Variants in BACH2 observed in about 807,000 individuals in gnomAD.
The protein encoded by BACH2 is transcription regulator protein BACH2.
In BACH2, 5 loss-of-function variants were observed where a neutral mutation model predicts 61.8. The ratio of observed to expected loss-of-function variants is 0.08; its 90% CI spans 0.04 to 0.17. The LOEUF is 0.17. Among genes scored for constraint, BACH2 ranks in the 10% least tolerant of loss-of-function variants. The pLI, the probability that BACH2 is intolerant of heterozygous loss-of-function variation, is 1.00. For missense variants in BACH2, 824 were observed against 1,091.1 expected (o/e 0.76, Z 3.45); for synonymous variants, 446 against 440.1 (o/e 1.01, Z -0.17).
chr6:89,996,453 G>A (rs184123714), intron 6 of BACH2, among the ~76,000 whole-genome samples: 2 of 152,308 alleles, frequency 1.3e-5, no homozygotes, highest in Admixed American at 6.5e-5. Context: ...ACCTGGTCAA[G>A]TCTAAATTCT....
At chr6:90,109,747 C>G (rs979994759) in intron 4 of BACH2, among the ~76,000 whole-genome samples, 2 of 152,164 alleles carry the variant, frequency 1.3e-5, no homozygotes, top group African/African-American at 2.4e-5. Flanking sequence ...AATATATAGA[C>G]TTCCATCTGC....
chr6:89,948,748 C>G (rs1272052167), intron 7 of BACH2, among the ~76,000 whole-genome samples: 1 of 152,172 alleles, frequency 6.6e-6, no homozygotes, highest in African/African-American at 2.4e-5. Context: ...CGGGAAAGCT[C>G]AATCTTCCCA....
intron 1 of BACH2, among the ~76,000 whole-genome samples, chr6:90,288,754 A>T (rs1320109669): frequency 6.6e-6 from 1 of 152,220 alleles, no homozygotes; most frequent in African/African-American, 2.4e-5. Flanking sequence ...ATTTCTAATT[A>T]GGATTTCTGA....
Position 89,950,032 on chromosome 6 carries a change from C to T in BACH2, c.1836+238G>A, listed in dbSNP as rs1773981489. Reference sequence around the variant, plus strand: ...CAGTATATTTTTACTCAGCAGCTTGCCTCTGCTTGTCGAGTATTGAGATCC... The same window carrying T: ...CAGTATATTTTTACTCAGCAGCTTGTCTCTGCTTGTCGAGTATTGAGATCC... On this transcript the variant is annotated intron_variant, in intron 7 of 8. Transcript: ENST00000257749. The surrounding 1 kb of genome is among the most constrained non-coding windows in gnomAD (Gnocchi z 5.3). 3.5e-6 allele frequency: 2 copies of T among 573,762 alleles called. No homozygotes were observed. Among genetic ancestry groups the T allele is most frequent in the Non-Finnish European group, 6.2e-6 (2 of 320,134 alleles). 35.5% of individuals were successfully genotyped at this position (573,762 alleles called of 1,614,324 possible).
intron 4 of BACH2, among the ~76,000 whole-genome samples, chr6:90,108,157 C>G (rs1363812719): frequency 6.6e-6 from 1 of 152,184 alleles, no homozygotes; most frequent in Non-Finnish European, 1.5e-5. Context: ...AGTTCACTTC[C>G]TTTTGTTTCT....
rs563651580 is a variant in BACH2, at chr6:90,214,751, C to CTTT, written c.-274-8073_-274-8071dup. Among the ~76,000 whole-genome samples, 41 of 94,308 alleles carry CTTT rather than the reference C, an allele frequency of 4.3e-4. 2 individuals carry two copies. Among genetic ancestry groups the CTTT allele is most frequent in the South Asian group, 8.0e-4 (2 of 2,486 alleles). 61.9% of individuals were successfully genotyped at this position (94,308 alleles called of 152,430 possible). ...CTTTTCTGGGGCTTAGATTCTGTTC[C>CTTT]TTTTTTTTTTTTTTTTTTTTTTTTT... On this transcript the variant is annotated intron_variant, in intron 3 of 8. Transcript: ENST00000257749.
intron 5 of BACH2, among the ~76,000 whole-genome samples, chr6:90,028,137 G>C (rs1163058659): frequency 6.6e-6 from 1 of 152,190 alleles, no homozygotes; most frequent in Non-Finnish European, 1.5e-5. Flanking sequence ...CTTGATGACT[G>C]TGAAGGTCAA....
chr6:90,295,656 TG>T, intron 1 of BACH2, among the ~76,000 whole-genome samples: 1 of 110,774 alleles, frequency 9.0e-6, no homozygotes, highest in South Asian at 3.4e-4. Context: ...GAGTGTAGGG[TG>T]TGTGTGTGTG....
At position 89,932,329 on chromosome 6, in the gene BACH2, G is replaced by C; in HGVS notation, c.*79C>G. The C allele has an allele frequency of 1.3e-6, 2 of 1,535,276 alleles. No homozygotes were observed. Among genetic ancestry groups the C allele is most frequent in the South Asian group, 2.5e-5 (2 of 81,516 alleles). On this transcript the variant is annotated 3_prime_UTR_variant, in exon 9 of 9. Transcript: ENST00000257749. ...ATGTGTTCTCGGTTTCTTCGGGACA[G>C]CAGATGAACAGTGCCACAGGCTGAC...
intron 5 of BACH2, among the ~76,000 whole-genome samples, chr6:90,031,186 T>G (rs546923153): frequency 5.3e-5 from 8 of 152,130 alleles, no homozygotes; most frequent in South Asian, 2.1e-4. Flanking sequence ...ATAAATTAGG[T>G]ATTGATGGGA....
At chr6:90,015,874 G>A (rs1288326669) in intron 5 of BACH2, among the ~76,000 whole-genome samples, 1 of 152,004 alleles carries the variant, frequency 6.6e-6, no homozygotes, top group Non-Finnish European at 1.5e-5. Flanking sequence ...AAAACTTTCC[G>A]GCTACAATTG....
chr6:90,022,116 C>A (rs913926654), intron 5 of BACH2, among the ~76,000 whole-genome samples: 1 of 152,176 alleles, frequency 6.6e-6, no homozygotes, highest in Non-Finnish European at 1.5e-5. Context: ...GAAAAATATA[C>A]CAAAAACTTT....
chr6:90,057,466 T>C (rs920531582), intron 5 of BACH2, among the ~76,000 whole-genome samples: 4 of 152,092 alleles, frequency 2.6e-5, no homozygotes, highest in Non-Finnish European at 5.9e-5. Flanking sequence ...GGAGCTGAAA[T>C]TGAGGCAATA....
chr6:90,006,915 G>T (rs1777435403), intron 6 of BACH2, among the ~76,000 whole-genome samples: 1 of 152,076 alleles, frequency 6.6e-6, no homozygotes, highest in African/African-American at 2.4e-5. Context: ...GCTGCACCTG[G>T]CCCCAGTCCT....
At chr6:90,253,086 A>G (rs999118161) in intron 2 of BACH2, among the ~76,000 whole-genome samples, 6 of 152,214 alleles carry the variant, frequency 3.9e-5, no homozygotes, top group Non-Finnish European at 8.8e-5. Context: ...TCTACAAGAC[A>G]TACACAAATT....
Position 90,245,053 on chromosome 6 carries a change from C to T in BACH2, c.-275+7460G>A, listed in dbSNP as rs538198778. ...TACTAAAAACACACAAAAAATTAGC[C>T]GGGTGTGGTGGCAGGTGCCTGTAAT... On this transcript the variant is annotated intron_variant, in intron 3 of 8. Coordinates refer to ENST00000257749, the MANE Select transcript of BACH2 (RefSeq NM_021813.4). Among the ~76,000 whole-genome samples, 6 of 152,006 alleles carry T rather than the reference C, an allele frequency of 3.9e-5. No individual in the cohort carries two copies. The South Asian group carries it at 8.3e-4, about 21-fold the overall frequency.
chr6:89,974,881 G>A (rs998962720), intron 6 of BACH2, among the ~76,000 whole-genome samples: 1 of 152,166 alleles, frequency 6.6e-6, no homozygotes, highest in East Asian at 1.9e-4. Flanking sequence ...CTTCATGGTA[G>A]CTTTTAAAGC....
chr6:90,286,915 CAAAG>C (rs1772036122), intron 1 of BACH2, among the ~76,000 whole-genome samples: 2 of 151,998 alleles, frequency 1.3e-5, no homozygotes, highest in Non-Finnish European at 2.9e-5. Flanking sequence ...AAGTCTGGAA[CAAAG>C]AAAGACACGG....
chr6:90,059,120 A>G (rs1298150236), intron 5 of BACH2, among the ~76,000 whole-genome samples: 1 of 152,260 alleles, frequency 6.6e-6, no homozygotes, highest in Admixed American at 6.5e-5. Context: ...CAAAATTGAC[A>G]AATGGGATCT....
Sources: gnomAD v4.1 joint callset for allele counts (sites outside exome capture counted in the v4.1 genomes callset) on GRCh38, gnomAD v4.1.1 for gene constraint, Gnocchi (gnomAD v3.1) non-coding constraint, MANE v1.5 for transcripts, NCBI Gene and HGNC (gene_info 2026-07-23, HGNC 2026-07-21) for gene names.